Variants in PCDHA10 observed in about 807,000 individuals in gnomAD.
The protein encoded by PCDHA10 is protocadherin alpha-10.
PCDHA10 carries 45 observed loss-of-function variants against 61.2 expected under a neutral mutation model. The ratio of observed to expected loss-of-function variants is 0.74; its 90% CI spans 0.58 to 0.94. The LOEUF (loss-of-function observed/expected upper bound fraction) is 0.94. Ranked by LOEUF, PCDHA10 falls within the 40% of genes least tolerant of loss-of-function variation. The probability of loss-of-function intolerance (pLI) is 0.00; values close to 1 mark genes in which losing one functional copy is unlikely to be tolerated. For synonymous variants in PCDHA10, 602 were observed against 548.8 expected, an observed-to-expected ratio of 1.10 and a Z score of -1.35; for missense variants, 1,278 against 1,236.2, an observed-to-expected ratio of 1.03 and a Z score of -0.51.
Position 140,979,705 on chromosome 5 carries a change from G to A in PCDHA10, c.2447+698G>A, listed in dbSNP as rs138804576. Among the ~76,000 whole-genome samples, 597 of 152,336 alleles carry A rather than the reference G, an allele frequency of 3.9e-3. 4 individuals carry two copies. The highest frequency in any genetic ancestry group is 0.014 in the African/African-American group (562 of 41,570). On this transcript the variant is annotated intron_variant, in intron 2 of 3. Coordinates refer to ENST00000307360, the MANE Select transcript of PCDHA10 (RefSeq NM_018901.4). ...ATTAACTACCATTATTTCTGGAGGT[G>A]ATCCAGTATCCATGCCATGGGGCCA... is the stretch of plus-strand genomic sequence containing the variant.
At chr5:140,870,912 C>T (rs1554164817) in intron 1 of PCDHA10, 1 of 1,613,952 alleles carries the variant, frequency 6.2e-7, no homozygotes, top group Admixed American at 1.7e-5. Flanking sequence ...CAGGCTACAA[C>T]GCGTGGCTTT....
intron 1 of PCDHA10, among the ~76,000 whole-genome samples, chr5:140,956,241 T>G (rs1396335938): frequency 1.3e-5 from 2 of 152,204 alleles, no homozygotes; most frequent in African/African-American, 4.8e-5. Context: ...TCAAGGGGAA[T>G]GCTTCCAGGT....
chr5:140,874,360 A>T (rs2054861600), intron 1 of PCDHA10, among the ~76,000 whole-genome samples: 2 of 152,234 alleles, frequency 1.3e-5, no homozygotes. Context: ...TGAATTAATG[A>T]ATAAACTCAT....
chr5:141,006,436 A>G (rs2153987648), intron 3 of PCDHA10, among the ~76,000 whole-genome samples: 1 of 152,098 alleles, frequency 6.6e-6, no homozygotes, highest in African/African-American at 2.4e-5. Context: ...GATGGTCTCA[A>G]TCTCCTGACC....
At chr5:140,961,342 A>AC (rs2095605510) in intron 1 of PCDHA10, among the ~76,000 whole-genome samples, 1 of 152,164 alleles carries the variant, frequency 6.6e-6, no homozygotes, top group South Asian at 2.1e-4. Flanking sequence ...CCAAGAGTGG[A>AC]TCCCTGTAGT....
chr5:140,924,768 G>C lies in PCDHA10; in HGVS notation c.2389-54181G>C, dbSNP rs562954470. ...AAATTAACCGAGCATGGTGGTGCGCGCTTGTAGTCCTAGCTACTTAGGAGG... is the reference window on the plus strand; with the variant it reads ...AAATTAACCGAGCATGGTGGTGCGCCCTTGTAGTCCTAGCTACTTAGGAGG... On this transcript the variant is annotated intron_variant, in intron 1 of 3. Coordinates refer to ENST00000307360, the MANE Select transcript of PCDHA10 (RefSeq NM_018901.4). Among the ~76,000 whole-genome samples the C allele has an allele frequency of 3.9e-3, 597 of 151,896 alleles. 3 individuals are homozygous for C. The highest frequency in any genetic ancestry group is 0.014 in the African/African-American group (579 of 41,424).
chr5:140,994,892 G>A (rs1554254386), intron 3 of PCDHA10, among the ~76,000 whole-genome samples: 2 of 152,192 alleles, frequency 1.3e-5, no homozygotes, highest in Non-Finnish European at 2.9e-5. Flanking sequence ...TAGGAAATGA[G>A]ATCAGAAATG....
chr5:140,896,561 G>C (rs1562891119), intron 1 of PCDHA10, among the ~76,000 whole-genome samples: 2 of 150,758 alleles, frequency 1.3e-5, no homozygotes, highest in Non-Finnish European at 2.9e-5. Flanking sequence ...ATTTTAAGTA[G>C]AGATGGGGTT....
intron 1 of PCDHA10, among the ~76,000 whole-genome samples, chr5:140,946,992 A>T (rs1393633852): frequency 1.3e-5 from 2 of 151,908 alleles, no homozygotes; most frequent in East Asian, 3.9e-4. Context: ...TGAGTGTTCT[A>T]ACTTCAAAGA....
chr5:140,864,600 C>G (rs1159658217), intron 1 of PCDHA10: 3 of 152,164 alleles, frequency 2.0e-5, no homozygotes, highest in African/African-American at 7.2e-5. Flanking sequence ...TTCAGATAGC[C>G]AACAACTTTG....
At chr5:140,926,607 C>T (rs887450914) in intron 1 of PCDHA10, 1 of 348,974 alleles carries the variant, frequency 2.9e-6, no homozygotes, top group Non-Finnish European at 5.1e-6. Context: ...GGCCTCGTCT[C>T]TGCACCCCTA....
At chr5:140,969,514 G>T (rs2096339995) in intron 1 of PCDHA10, 3 of 1,414,044 alleles carry the variant, frequency 2.1e-6, no homozygotes, top group Admixed American at 2.8e-5. Flanking sequence ...TAGCACTAAA[G>T]AATTGTTTTA....
At chr5:140,923,983 T>C (rs1180891950) in intron 1 of PCDHA10, among the ~76,000 whole-genome samples, 1 of 152,220 alleles carries the variant, frequency 6.6e-6, no homozygotes, top group African/African-American at 2.4e-5. Context: ...ACTATCCCTC[T>C]AGGTGCAGCT....
chr5:140,991,879 G>A (rs1464021872), intron 3 of PCDHA10, among the ~76,000 whole-genome samples: 1 of 152,174 alleles, frequency 6.6e-6, no homozygotes, highest in Non-Finnish European at 1.5e-5. Flanking sequence ...TCCTAGGGCT[G>A]CCATAACAAA....
At chr5:140,875,773 G>C in intron 1 of PCDHA10, 1 of 1,614,268 alleles carries the variant, frequency 6.2e-7, no homozygotes, top group Non-Finnish European at 8.5e-7. Context: ...GCGGAGCGCG[G>C]AGTGCAGTAT....
intron 1 of PCDHA10, chr5:140,870,487 T>A: frequency 6.2e-7 from 1 of 1,614,204 alleles, no homozygotes. Flanking sequence ...GTACACCGTG[T>A]TCGTGAAGGA....
chr5:140,870,629 T>C, intron 1 of PCDHA10: 2 of 1,612,984 alleles, frequency 1.2e-6, no homozygotes, highest in East Asian at 4.5e-5. Flanking sequence ...TACGTGTCGG[T>C]GCACGCGGAG....
intron 1 of PCDHA10, chr5:140,929,822 A>G (rs1554207413): frequency 1.9e-5 from 3 of 157,286 alleles, no homozygotes; most frequent in African/African-American, 2.4e-5. Flanking sequence ...GAAAGGGAAC[A>G]TAAGAGAACA....
intron 2 of PCDHA10, among the ~76,000 whole-genome samples, chr5:140,981,879 A>G (rs1472110145): frequency 3.9e-5 from 6 of 152,158 alleles, no homozygotes; most frequent in Non-Finnish European, 7.3e-5. Context: ...TGCTGAATTA[A>G]TCTCTTCTGA....
Sources: allele counts gnomAD v4.1 joint callset (sites outside exome capture counted in the v4.1 genomes callset), GRCh38; gene constraint gnomAD v4.1.1; transcripts MANE v1.5; gene names NCBI Gene and HGNC (gene_info 2026-07-23, HGNC 2026-07-21).